The following PTPRG variants were observed in gnomAD, a reference collection of about 807,000 sequenced individuals.
PTPRG encodes the protein receptor-type tyrosine-protein phosphatase gamma.
A neutral mutation model predicts 165.3 loss-of-function variants in PTPRG; 102 were observed. That is an observed-to-expected ratio of 0.62 (90% CI 0.53 to 0.73). The LOEUF (loss-of-function observed/expected upper bound fraction) is 0.73, where lower values mean the gene tolerates loss of function less well. Ranked by LOEUF, PTPRG falls within the 30% of genes least tolerant of loss-of-function variation. The pLI is 0.00. For synonymous variants in PTPRG, 675 were observed against 669.5 expected (o/e 1.01, Z -0.13); for missense variants, 1,866 against 1,861.4 (o/e 1.00, Z -0.05).
At chr3:61,713,049 TTTG>T (rs1216041210) in intron 1 of PTPRG, among the ~76,000 whole-genome samples, 5 of 152,202 alleles carry the variant, frequency 3.3e-5, no homozygotes, top group African/African-American at 1.2e-4. Flanking sequence ...TCAGCCATGT[TTTG>T]TTGTTGTTTG....
chr3:61,796,364 A>G (rs9784290), intron 2 of PTPRG, among the ~76,000 whole-genome samples: 1 of 152,162 alleles, frequency 6.6e-6, no homozygotes, highest in Admixed American at 6.5e-5. Context: ...TTCCTCTTAC[A>G]TGACTCAAAA....
intron 2 of PTPRG, among the ~76,000 whole-genome samples, chr3:61,844,671 T>A (rs79780497): frequency 6.7e-6 from 1 of 149,896 alleles, no homozygotes. Context: ...TTTTTTTTTT[T>A]CCCCCTGTTT....
chr3:61,726,830 G>A lies in PTPRG; in HGVS notation c.86-22048G>A, dbSNP rs1197823035. 8.5e-5 allele frequency among the ~76,000 whole-genome samples: 13 copies of A among 152,216 alleles called. No individual in the cohort carries two copies. The East Asian group carries it at 2.5e-3, about 30-fold the overall frequency. ...TGGGAGGCCGAGGCGGGCGGATCAC[G>A]AGGTCAGGAGATCCAGACCATCCTG... On this transcript the variant is annotated intron_variant, in intron 1 of 29. Transcript: ENST00000474889.
At chr3:61,867,812 A>T (rs1298534975) in intron 2 of PTPRG, among the ~76,000 whole-genome samples, 1 of 152,200 alleles carries the variant, frequency 6.6e-6, no homozygotes, top group Non-Finnish European at 1.5e-5. Context: ...TTGAGTTTGC[A>T]GAGACAACCT....
intron 2 of PTPRG, among the ~76,000 whole-genome samples, chr3:61,953,124 G>A (rs1230263452): frequency 6.6e-6 from 1 of 152,048 alleles, no homozygotes; most frequent in African/African-American, 2.4e-5. Flanking sequence ...ACCTACTGCT[G>A]TCTCTACTCA....
chr3:61,963,131 A>T (rs1300793855), intron 2 of PTPRG, among the ~76,000 whole-genome samples: 1 of 152,148 alleles, frequency 6.6e-6, no homozygotes, highest in Non-Finnish European at 1.5e-5. Context: ...CTGCCTTAAT[A>T]AAAGGTAGCA....
intron 8 of PTPRG, among the ~76,000 whole-genome samples, chr3:62,179,547 G>C (rs113771934): frequency 2.0e-5 from 3 of 152,232 alleles, no homozygotes; most frequent in Non-Finnish European, 4.4e-5. Flanking sequence ...GGAGTGTGCT[G>C]ACTGTTGAAA....
chr3:61,645,336 A>T (rs1299582716), intron 1 of PTPRG, among the ~76,000 whole-genome samples: 2 of 151,762 alleles, frequency 1.3e-5, no homozygotes, highest in Non-Finnish European at 2.9e-5. Flanking sequence ...GTTGTTTGGA[A>T]CTCCTTTCTA....
At chr3:62,168,645 C>T (rs904567715) in intron 8 of PTPRG, among the ~76,000 whole-genome samples, 1 of 152,148 alleles carries the variant, frequency 6.6e-6, no homozygotes, top group Non-Finnish European at 1.5e-5. Context: ...GGAGGGGGAG[C>T]ACACAGATGG....
At chr3:61,789,737 G>C (rs2034815426) in intron 2 of PTPRG, among the ~76,000 whole-genome samples, 1 of 152,182 alleles carries the variant, frequency 6.6e-6, no homozygotes, top group African/African-American at 2.4e-5. Flanking sequence ...CTAAGTGTTT[G>C]TATATGGTAA....
intron 2 of PTPRG, among the ~76,000 whole-genome samples, chr3:61,820,055 G>A (rs949623315): frequency 6.6e-6 from 1 of 152,154 alleles, no homozygotes; most frequent in Non-Finnish European, 1.5e-5. Flanking sequence ...ATCAGTAAGC[G>A]AACATAGGAT....
At chr3:61,639,403 T>G (rs796407334) in intron 1 of PTPRG, among the ~76,000 whole-genome samples, 2 of 152,214 alleles carry the variant, frequency 1.3e-5, no homozygotes, top group Non-Finnish European at 2.9e-5. Flanking sequence ...TCTTTTTTGG[T>G]TCCATATGAA....
chr3:61,948,514 T>TA (rs1243625733), intron 2 of PTPRG, among the ~76,000 whole-genome samples: 1 of 152,118 alleles, frequency 6.6e-6, no homozygotes, highest in Non-Finnish European at 1.5e-5. Flanking sequence ...ATGCTAGTGT[T>TA]ATGGGGGGCG....
chr3:61,563,816 C>T (rs1039886699), intron 1 of PTPRG, among the ~76,000 whole-genome samples: 9 of 151,540 alleles, frequency 5.9e-5, no homozygotes, highest in Non-Finnish European at 1.0e-4. Context: ...TTGGGGATCC[C>T]CTCGGGGGAC....
chr3:62,057,013 G>C (rs1700656133), intron 4 of PTPRG, among the ~76,000 whole-genome samples: 1 of 152,174 alleles, frequency 6.6e-6, no homozygotes, highest in South Asian at 2.1e-4. Context: ...AGTGGCTTTG[G>C]AATAAACGGG....
chr3:61,603,593 A>G (rs145106991), intron 1 of PTPRG, among the ~76,000 whole-genome samples: 16 of 152,330 alleles, frequency 1.1e-4, no homozygotes, highest in African/African-American at 3.6e-4. Flanking sequence ...AATGCTACAA[A>G]CTGGTGAGTT....
intron 2 of PTPRG, among the ~76,000 whole-genome samples, chr3:61,773,303 A>T (rs1426156030): frequency 2.0e-5 from 3 of 152,226 alleles, no homozygotes; most frequent in Admixed American, 6.5e-5. Context: ...TACCAGGTAG[A>T]ATATTTGAGA....
chr3:61,573,314 A>G (rs1700101779), intron 1 of PTPRG, among the ~76,000 whole-genome samples: 1 of 152,214 alleles, frequency 6.6e-6, no homozygotes, highest in African/African-American at 2.4e-5. Context: ...GTACATTAAT[A>G]TTGGAGATGC....
chr3:61,654,628 C>T (rs557017125), intron 1 of PTPRG, among the ~76,000 whole-genome samples: 3 of 151,998 alleles, frequency 2.0e-5, no homozygotes, highest in Admixed American at 6.5e-5. Flanking sequence ...TCAGGCAGTC[C>T]GCCCGCCTCA....
Sources: allele counts gnomAD v4.1 joint callset (sites outside exome capture counted in the v4.1 genomes callset), GRCh38; gene constraint gnomAD v4.1.1; transcripts MANE v1.5; gene names NCBI Gene and HGNC (gene_info 2026-07-23, HGNC 2026-07-21).